The following FUT8 variants were observed in gnomAD, a reference collection of about 807,000 sequenced individuals.
FUT8 encodes alpha-(1,6)-fucosyltransferase.
Under a neutral mutation model 71.3 loss-of-function variants are expected in FUT8, and 29 were observed. That is an observed-to-expected ratio of 0.41 (90% CI 0.30 to 0.55). The LOEUF is 0.55. Ranked by LOEUF, FUT8 falls within the 20% of genes least tolerant of loss-of-function variation. The probability of loss-of-function intolerance (pLI) is 0.34; values close to 1 mark genes in which losing one functional copy is unlikely to be tolerated. For synonymous variants in FUT8, 254 were observed against 239.3 expected (o/e 1.06, Z -0.57); for missense variants, 544 against 702.1 (o/e 0.77, Z 2.55).
intron 3 of FUT8, among the ~76,000 whole-genome samples, chr14:65,590,178 C>T (rs981369781): frequency 2.6e-5 from 4 of 151,990 alleles, no homozygotes; most frequent in African/African-American, 9.7e-5. Flanking sequence ...TCTTCATAAC[C>T]TTGCACAAAA....
chr14:65,692,087 A>G (rs1336614276), intron 7 of FUT8, among the ~76,000 whole-genome samples: 1 of 151,812 alleles, frequency 6.6e-6, no homozygotes, highest in East Asian at 1.9e-4. Flanking sequence ...CGCCATTGTC[A>G]TCATGGCCCG....
At chr14:65,516,400 T>A (rs1882710446) in intron 2 of FUT8, 1 of 152,190 alleles carries the variant, frequency 6.6e-6, no homozygotes, top group Non-Finnish European at 1.5e-5. Flanking sequence ...TGAATTTATG[T>A]GTAAATGTTA....
the FUT8 span, among the ~76,000 whole-genome samples, chr14:65,357,107 T>G: frequency 6.6e-6 from 1 of 152,236 alleles, no homozygotes. Flanking sequence ...CTTGGGCATT[T>G]ACTTATGTTC....
chr14:65,532,308 G>A (rs1884008412), intron 2 of FUT8, among the ~76,000 whole-genome samples: 1 of 152,030 alleles, frequency 6.6e-6, no homozygotes, highest in Admixed American at 6.6e-5. Flanking sequence ...TTTAATAATA[G>A]CCATTCTGAC....
intron 7 of FUT8, among the ~76,000 whole-genome samples, chr14:65,708,860 A>G (rs1302147922): frequency 6.6e-6 from 1 of 151,976 alleles, no homozygotes; most frequent in Non-Finnish European, 1.5e-5. Context: ...GTGGGAGGGG[A>G]TGGGGAAAGG....
intron 6 of FUT8, among the ~76,000 whole-genome samples, chr14:65,636,253 A>G (rs546885562): frequency 6.6e-5 from 10 of 152,146 alleles, no homozygotes; most frequent in South Asian, 2.1e-4. Context: ...AATCTTGCCA[A>G]TGATCTATCA....
intron 2 of FUT8, among the ~76,000 whole-genome samples, chr14:65,549,206 G>C (rs986717764): frequency 6.6e-6 from 1 of 152,074 alleles, no homozygotes; most frequent in Non-Finnish European, 1.5e-5. Context: ...ATGTGACCCA[G>C]CAATCCTACT....
intron 6 of FUT8, among the ~76,000 whole-genome samples, chr14:65,637,648 T>C (rs939559768): frequency 3.3e-5 from 5 of 152,132 alleles, no homozygotes; most frequent in African/African-American, 9.7e-5. Flanking sequence ...TGCAGTCTGC[T>C]TAGTCCCTAG....
At chr14:65,466,407 T>C (rs1352892111) in intron 2 of FUT8, among the ~76,000 whole-genome samples, 1 of 152,226 alleles carries the variant, frequency 6.6e-6, no homozygotes, top group Non-Finnish European at 1.5e-5. Flanking sequence ...GCATTTTATA[T>C]AATTCCATTT....
chr14:65,507,716 G>C (rs896875236), intron 2 of FUT8, among the ~76,000 whole-genome samples: 1 of 152,166 alleles, frequency 6.6e-6, no homozygotes, highest in Non-Finnish European at 1.5e-5. Flanking sequence ...TGGACACTTA[G>C]CTTGCTTTCA....
At chr14:65,500,612 A>G (rs138203274) in intron 2 of FUT8, among the ~76,000 whole-genome samples, 4 of 152,318 alleles carry the variant, frequency 2.6e-5, no homozygotes, top group African/African-American at 9.6e-5. Flanking sequence ...TCGCTAGACT[A>G]AAAGGTTTGA....
chr14:65,441,323 G>A (rs2065651532), intron 1 of FUT8, among the ~76,000 whole-genome samples: 2 of 152,092 alleles, frequency 1.3e-5, no homozygotes, highest in Non-Finnish European at 2.9e-5. Flanking sequence ...TTAGAATAGT[G>A]ACCATTTTCT....
chr14:65,502,237 T>TTG (rs1566788055), intron 2 of FUT8, among the ~76,000 whole-genome samples: 1 of 151,320 alleles, frequency 6.6e-6, no homozygotes, highest in African/African-American at 2.4e-5. Flanking sequence ...TGTTATTTTT[T>TTG]TTTTTGAGAC....
intron 5 of FUT8, among the ~76,000 whole-genome samples, chr14:65,622,910 GTTTTTTTTT>G (rs33918554): frequency 7.8e-6 from 1 of 128,886 alleles, no homozygotes; most frequent in East Asian, 2.2e-4. Context: ...GAGCTTCTCT[GTTTTTTTTT>G]TTTTTTTTGA....
chr14:65,402,655 G>A, the FUT8 span, among the ~76,000 whole-genome samples: 28 of 122,722 alleles, frequency 2.3e-4, no homozygotes. Flanking sequence ...GACAGAGTGA[G>A]ACTCCGTCTA....
rs563511025 is a variant in FUT8, at chr14:65,686,443, T to C, written c.835+16963T>C. Among the ~76,000 whole-genome samples the C allele has an allele frequency of 2.6e-5, 4 of 152,308 alleles. No individual in the cohort carries two copies. In the East Asian group the frequency reaches 7.7e-4, roughly 29 times the overall value. On this transcript the variant is annotated intron_variant, in intron 7 of 10. Coordinates refer to ENST00000673929, the MANE Select transcript of FUT8 (RefSeq NM_001371533.1). ...TGCTGAAATGAAAGAAAGCACCCAT[T>C]ATCATGGAACTGTGGTTCCTGAAAG...
intron 7 of FUT8, among the ~76,000 whole-genome samples, chr14:65,699,766 C>T (rs1462939857): frequency 1.3e-5 from 2 of 152,078 alleles, no homozygotes; most frequent in African/African-American, 2.4e-5. Flanking sequence ...GTTTTTATTC[C>T]TTACAACCAG....
intron 6 of FUT8, among the ~76,000 whole-genome samples, chr14:65,661,694 A>G (rs1466581751): frequency 1.3e-5 from 2 of 152,202 alleles, no homozygotes; most frequent in East Asian, 3.8e-4. Context: ...AATATGTTGT[A>G]ATTCACATTG....
At chr14:65,639,540 T>G (rs1890730517) in intron 6 of FUT8, among the ~76,000 whole-genome samples, 1 of 143,708 alleles carries the variant, frequency 7.0e-6, no homozygotes, top group African/African-American at 2.5e-5. Context: ...ACACACACAC[T>G]TTTGAAACTT....
Sources: allele counts gnomAD v4.1 joint callset (sites outside exome capture counted in the v4.1 genomes callset), GRCh38; gene constraint gnomAD v4.1.1; transcripts MANE v1.5; gene names NCBI Gene and HGNC (gene_info 2026-07-23, HGNC 2026-07-21).